NDUFS4: variants seen among roughly 807,000 people sequenced by gnomAD.
The protein encoded by NDUFS4 is NADH:ubiquinone oxidoreductase subunit S4.
In NDUFS4, 28 loss-of-function variants were observed where a neutral mutation model predicts 24.3. That is an observed-to-expected ratio of 1.15 (90% CI 0.85 to 1.58). NDUFS4 has a LOEUF of 1.58. Ranked by LOEUF, NDUFS4 falls within the 40% of genes most tolerant of loss-of-function variation. NDUFS4 has a pLI of 0.00. For synonymous variants in NDUFS4, 93 were observed against 69.7 expected, an observed-to-expected ratio of 1.34 and a Z score of -1.67; for missense variants, 223 against 207.9, an observed-to-expected ratio of 1.07 and a Z score of -0.45.
intron 1 of NDUFS4, among the ~76,000 whole-genome samples, chr5:53,597,203 G>A (rs531524656): frequency 6.6e-6 from 1 of 152,148 alleles, no homozygotes; most frequent in African/African-American, 2.4e-5. Context: ...GGACAGCTTG[G>A]TCTTTTTTAC....
At chr5:53,660,589 T>A (rs1752305715) in intron 4 of NDUFS4, among the ~76,000 whole-genome samples, 1 of 152,204 alleles carries the variant, frequency 6.6e-6, no homozygotes, top group Non-Finnish European at 1.5e-5. Context: ...ACTTCCACAA[T>A]GGTTGAACTA....
intron 4 of NDUFS4, among the ~76,000 whole-genome samples, chr5:53,660,855 T>A (rs1041573445): frequency 5.3e-5 from 8 of 152,214 alleles, no homozygotes; most frequent in African/African-American, 1.9e-4. Context: ...TTCTTTGTTT[T>A]TTTCTTGTAA....
intron 2 of NDUFS4, among the ~76,000 whole-genome samples, chr5:53,608,152 T>A (rs1024311381): frequency 6.6e-6 from 1 of 152,218 alleles, no homozygotes; most frequent in Non-Finnish European, 1.5e-5. Flanking sequence ...AAAAGTTATG[T>A]TTCTACCACA....
chr5:53,677,844 T>C (rs1220811559), intron 4 of NDUFS4, among the ~76,000 whole-genome samples: 1 of 152,174 alleles, frequency 6.6e-6, no homozygotes, highest in Admixed American at 6.5e-5. Context: ...GGAAAAATCA[T>C]TTAGCTGTTC....
chr5:53,598,244 C>A (rs1460150353), intron 1 of NDUFS4, among the ~76,000 whole-genome samples: 1 of 152,188 alleles, frequency 6.6e-6, no homozygotes, highest in African/African-American at 2.4e-5. Context: ...CAGTTGTGCT[C>A]CTGGGTATTT....
Position 53,646,568 on chromosome 5 carries a change from G to A in NDUFS4, c.350+163G>A, listed in dbSNP as rs960277592. Among the ~76,000 whole-genome samples the A allele has an allele frequency of 4.1e-5, 5 of 121,650 alleles. No individual in the cohort carries two copies. In the East Asian group the frequency reaches 1.1e-3, roughly 26 times the overall value. 79.8% of individuals were successfully genotyped at this position (121,650 alleles called of 152,430 possible). On this transcript the variant is annotated intron_variant, in intron 3 of 4. Transcript: ENST00000296684. ...CTCAAAGATACACATTATATATTTA[G>A]ATATTCAGATAAGTGTGGCTTAGCA...
rs553676226 is a variant in NDUFS4, at chr5:53,642,127, A to G, written c.178-4106A>G. Reference sequence around the variant, plus strand: ...CTTACATTTATTTCTCTTCATGACAAGTGTAAACTGTTAAGGTTAAGTGGG... The same window carrying G: ...CTTACATTTATTTCTCTTCATGACAGGTGTAAACTGTTAAGGTTAAGTGGG... On this transcript the variant is annotated intron_variant, in intron 2 of 4. Transcript: ENST00000296684. Among the ~76,000 whole-genome samples the G allele has an allele frequency of 8.5e-5, 13 of 152,258 alleles. No individual in the cohort carries two copies. In the South Asian group the frequency reaches 2.7e-3, roughly 32 times the overall value.
At chr5:53,668,538 A>C (rs1158925450) in intron 4 of NDUFS4, among the ~76,000 whole-genome samples, 1 of 151,844 alleles carries the variant, frequency 6.6e-6, no homozygotes, top group Admixed American at 6.6e-5. Context: ...GGCTCACTGC[A>C]ACCTCCACCT....
intron 1 of NDUFS4, among the ~76,000 whole-genome samples, chr5:53,595,887 TTCC>T: frequency 6.6e-6 from 1 of 152,300 alleles, no homozygotes. Context: ...TCCTTACTTT[TTCC>T]TCCTCTATGA....
At chr5:53,630,089 T>C (rs534774464) in intron 2 of NDUFS4, among the ~76,000 whole-genome samples, 1 of 152,344 alleles carries the variant, frequency 6.6e-6, no homozygotes, top group East Asian at 1.9e-4. Flanking sequence ...GACAAAGATC[T>C]CTCAGCATTT....
At chr5:53,654,164 A>G (rs1026938936) in intron 3 of NDUFS4, among the ~76,000 whole-genome samples, 3 of 151,926 alleles carry the variant, frequency 2.0e-5, no homozygotes, top group African/African-American at 4.8e-5. Context: ...TTCTTTTCTA[A>G]TCTTGATCTA....
chr5:53,594,813 C>T (rs1025557413), intron 1 of NDUFS4, among the ~76,000 whole-genome samples: 3 of 151,860 alleles, frequency 2.0e-5, no homozygotes, highest in Admixed American at 6.6e-5. Flanking sequence ...TACATTATCT[C>T]AGTATTTTTT....
intron 1 of NDUFS4, among the ~76,000 whole-genome samples, chr5:53,570,856 G>T (rs1749189532): frequency 6.6e-6 from 1 of 151,418 alleles, no homozygotes; most frequent in Non-Finnish European, 1.5e-5. Context: ...GCTAATTTTT[G>T]TATTTTTAGT....
intron 1 of NDUFS4, among the ~76,000 whole-genome samples, chr5:53,566,446 C>T (rs1749028200): frequency 1.3e-5 from 2 of 152,108 alleles, no homozygotes; most frequent in African/African-American, 4.8e-5. Context: ...AGGATTTCAC[C>T]TGTATTATCT....
At chr5:53,653,185 T>C (rs911138145) in intron 3 of NDUFS4, among the ~76,000 whole-genome samples, 1 of 152,138 alleles carries the variant, frequency 6.6e-6, no homozygotes, top group Admixed American at 6.5e-5. Context: ...AAATTATGAA[T>C]CTGTCATTCA....
At chr5:53,643,083 T>A (rs1751749119) in intron 2 of NDUFS4, among the ~76,000 whole-genome samples, 1 of 152,156 alleles carries the variant, frequency 6.6e-6, no homozygotes, top group South Asian at 2.1e-4. Context: ...ATTCAATAAA[T>A]CTGTGTATAT....
intron 1 of NDUFS4, among the ~76,000 whole-genome samples, chr5:53,578,674 G>A (rs1438399167): frequency 6.6e-6 from 1 of 152,164 alleles, no homozygotes; most frequent in Non-Finnish European, 1.5e-5. Context: ...CTCGGCATAT[G>A]CTATAAGTGC....
intron 4 of NDUFS4, among the ~76,000 whole-genome samples, chr5:53,671,974 C>T (rs773547067): frequency 1.3e-5 from 2 of 152,100 alleles, no homozygotes; most frequent in East Asian, 3.9e-4. Flanking sequence ...GGGCTGAGGA[C>T]AAGCTGTGAA....
intron 1 of NDUFS4, among the ~76,000 whole-genome samples, chr5:53,579,467 C>G (rs1749489758): frequency 6.6e-6 from 1 of 152,140 alleles, no homozygotes; most frequent in South Asian, 2.1e-4. Flanking sequence ...GTCCTAATCC[C>G]CAGAACCTGA....
Sources: allele counts gnomAD v4.1 joint callset (sites outside exome capture counted in the v4.1 genomes callset), GRCh38; gene constraint gnomAD v4.1.1; transcripts MANE v1.5; gene names NCBI Gene and HGNC (gene_info 2026-07-23, HGNC 2026-07-21).